The following TOM1L2 variants were observed in gnomAD, a reference collection of about 807,000 sequenced individuals.
TOM1L2 encodes target of myb1 like 2 membrane trafficking protein, also known as TOM1-like protein 2.
TOM1L2 carries 31 observed loss-of-function variants against 67.9 expected under a neutral mutation model. The observed-to-expected ratio is 0.46, with a 90% CI of 0.34 to 0.62. The LOEUF is 0.62. Ranked by LOEUF, TOM1L2 falls within the 20% of genes least tolerant of loss-of-function variation. The probability of loss-of-function intolerance (pLI) is 0.01; values close to 1 mark genes in which losing one functional copy is unlikely to be tolerated. For synonymous variants in TOM1L2, 256 were observed against 254.0 expected, an observed-to-expected ratio of 1.01 and a Z score of -0.07; for missense variants, 606 against 663.5, an observed-to-expected ratio of 0.91 and a Z score of 0.95.
At chr17:17,923,434 C>CAAG (rs1235304863) in intron 1 of TOM1L2, among the ~76,000 whole-genome samples, 4 of 151,886 alleles carry the variant, frequency 2.6e-5, no homozygotes, top group South Asian at 2.1e-4. Context: ...ACAACAACAA[C>CAAG]AACAACAAAC....
At chr17:17,958,758 T>C (rs908592811) in intron 1 of TOM1L2, among the ~76,000 whole-genome samples, 1 of 152,208 alleles carries the variant, frequency 6.6e-6, no homozygotes, top group Non-Finnish European at 1.5e-5. Flanking sequence ...GAGAGATAAG[T>C]GTCTTTTGTA....
Position 17,953,279 on chromosome 17 carries a change from C to CA in TOM1L2, c.52+18982dup, listed in dbSNP as rs1248915403. On this transcript the variant is annotated intron_variant, in intron 1 of 14. Coordinates refer to ENST00000379504, the MANE Select transcript of TOM1L2 (RefSeq NM_001082968.2). ...TGGGCAACAGAGCGAGACTCTGTCT[C>CA]AAAAAAATATAAATAAATAAAGGTA... Among the ~76,000 whole-genome samples, 5 of 151,792 alleles carry CA rather than the reference C, an allele frequency of 3.3e-5. No individual in the cohort carries two copies. The East Asian group carries it at 9.6e-4, about 29-fold the overall frequency.
In TOM1L2 at chr17:17,847,805, G is replaced by C. The variant is rs746393977; in HGVS notation, c.1376-22C>G. 11 of 1,613,730 alleles carry C rather than the reference G, an allele frequency of 6.8e-6. No homozygotes were observed. The East Asian group carries it at 1.1e-4, about 16-fold the overall frequency. On this transcript the variant is annotated intron_variant, in intron 14 of 14. Coordinates refer to ENST00000379504, the MANE Select transcript of TOM1L2 (RefSeq NM_001082968.2). ...AACTCTGCAATACAAACCAAGGCAA[G>C]GGTCAGGGTTGGTGAGGGCAGGCCA...
At chr17:17,861,776 A>G in intron 11 of TOM1L2, 1 of 491,236 alleles carries the variant, frequency 2.0e-6, no homozygotes, top group Non-Finnish European at 3.6e-6. Context: ...TGAGCCACTA[A>G]TCTCTGCGAT....
intron 1 of TOM1L2, among the ~76,000 whole-genome samples, chr17:17,953,651 C>T (rs1022027291): frequency 3.3e-5 from 5 of 152,232 alleles, no homozygotes; most frequent in African/African-American, 1.2e-4. Context: ...GCTGACCTCA[C>T]TGACCTGCCC....
chr17:17,952,079 A>C (rs2041227855), intron 1 of TOM1L2, among the ~76,000 whole-genome samples: 1 of 152,256 alleles, frequency 6.6e-6, no homozygotes, highest in Non-Finnish European at 1.5e-5. Flanking sequence ...TATAAGGACA[A>C]GAAAGCCACT....
Position 17,884,179 on chromosome 17 carries a change from A to C in TOM1L2, c.501+455T>G, listed in dbSNP as rs138561612. ...CAGAATCAATTCTGGATTGATGCTGAATACTCACAGCTCAAAATAAATTTT... is the reference window on the plus strand; with the variant it reads ...CAGAATCAATTCTGGATTGATGCTGCATACTCACAGCTCAAAATAAATTTT... On this transcript the variant is annotated intron_variant, in intron 5 of 14. Coordinates refer to ENST00000379504, the MANE Select transcript of TOM1L2 (RefSeq NM_001082968.2). 2.1e-4 allele frequency among the ~76,000 whole-genome samples: 32 copies of C among 152,288 alleles called. No individual in the cohort carries two copies. In the East Asian group the frequency reaches 6.2e-3, roughly 29 times the overall value.
chr17:17,940,676 C>CT (rs1206549114), intron 1 of TOM1L2, among the ~76,000 whole-genome samples: 4 of 152,212 alleles, frequency 2.6e-5, no homozygotes, highest in Admixed American at 6.5e-5. Flanking sequence ...AAGGCAAATT[C>CT]TTTTCCTAAT....
intron 4 of TOM1L2, among the ~76,000 whole-genome samples, chr17:17,892,220 T>A (rs2038323524): frequency 6.6e-6 from 1 of 152,144 alleles, no homozygotes; most frequent in South Asian, 2.1e-4. Context: ...GCACAGGGAA[T>A]GGACAGAGGC....
chr17:17,849,788 A>G (rs1424792597), intron 13 of TOM1L2, among the ~76,000 whole-genome samples: 3 of 152,200 alleles, frequency 2.0e-5, no homozygotes, highest in Non-Finnish European at 2.9e-5. Context: ...CCCCCTTAGA[A>G]GTTAAGGACC....
chr17:17,917,505 C>A (rs562926513), intron 1 of TOM1L2, among the ~76,000 whole-genome samples: 7 of 119,186 alleles, frequency 5.9e-5, no homozygotes, highest in Admixed American at 1.1e-4. Flanking sequence ...TGCTATGTTG[C>A]CCAGTCTGGA....
At chr17:17,922,675 G>A (rs1198727104) in intron 1 of TOM1L2, among the ~76,000 whole-genome samples, 1 of 152,194 alleles carries the variant, frequency 6.6e-6, no homozygotes, top group African/African-American at 2.4e-5. Context: ...CCTCCTCACA[G>A]GGTGTGGTTA....
chr17:17,862,971 G>GGGC, intron 10 of TOM1L2, 123 bp from the exon 11 acceptor site: 1 of 389,816 alleles, frequency 2.6e-6, no homozygotes, highest in Non-Finnish European at 5.1e-6. Context: ...GGTGGGGCGG[G>GGGC]ACTTTCCTTG....
intron 12 of TOM1L2, chr17:17,859,383 T>C (rs1272420003): frequency 6.6e-6 from 1 of 152,214 alleles, no homozygotes. Context: ...CCTTCCCCTT[T>C]TTTATTGTGT....
intron 1 of TOM1L2, among the ~76,000 whole-genome samples, chr17:17,938,401 C>A (rs573797797): frequency 6.6e-6 from 1 of 152,252 alleles, no homozygotes; most frequent in South Asian, 2.1e-4. Context: ...ACTGCAGTGG[C>A]CTGAAGCTGC....
chr17:17,862,935 C>A, intron 10 of TOM1L2, 87 bp from the exon 11 acceptor site: 9 of 487,636 alleles, frequency 1.8e-5, no homozygotes, highest in South Asian at 9.7e-5. Context: ...GGACGCCAGC[C>A]AGGTGGGTTT....
At chr17:17,934,702 G>A (rs750311763) in intron 1 of TOM1L2, among the ~76,000 whole-genome samples, 5 of 152,084 alleles carry the variant, frequency 3.3e-5, no homozygotes, top group Admixed American at 1.3e-4. Context: ...AACAATATGC[G>A]ATATTTCATC....
In TOM1L2 at chr17:17,884,666, C is replaced by T. The variant is rs1488653951; in HGVS notation, c.469G>A (p.Asp157Asn). The T allele has an allele frequency of 6.2e-7, 1 of 1,614,108 alleles. No homozygotes were observed. Among genetic ancestry groups the T allele is most frequent in the South Asian group, 1.1e-5 (1 of 91,082 alleles). ...GGTGTGTGTATGGGAGACAGAGCGT[C>T]CAAGTCTGCCATGGGAAATTCAACC... ...KGVEFPMADL[D>N]ALSPIHTPQR... Residue 157 changes from aspartate to asparagine, a missense_variant, in exon 5 of 15, where the codon GAC becomes AAC. Asp to Asn is a conservative substitution (Grantham distance 23). Transcript: ENST00000379504.
chr17:17,847,681 C>T lies in TOM1L2; in HGVS notation c.1478G>A (p.Gly493Asp). ...CTCTGACCGCTCTGGCTTCTTCCGG[C>T]CAGAAGGGTTTGAGGCTGGGGCAGG... ...EAPAPASNPSGRKKPERSEDA... is the reference protein window; with the variant it reads ...EAPAPASNPSDRKKPERSEDA... The change falls in exon 15 of 15, where the codon GGC (glycine) becomes GAC (aspartate). Residue 493 changes from glycine to aspartate, a missense_variant. Coordinates refer to ENST00000379504, the MANE Select transcript of TOM1L2 (RefSeq NM_001082968.2). 1.2e-6 allele frequency: 2 copies of T among 1,613,902 alleles called. No individual in the cohort carries two copies. Among genetic ancestry groups the T allele is most frequent in the South Asian group, 1.1e-5 (1 of 91,076 alleles).
Sources: allele counts gnomAD v4.1 joint callset (sites outside exome capture counted in the v4.1 genomes callset), GRCh38; gene constraint gnomAD v4.1.1; transcripts MANE v1.5; gene names NCBI Gene and HGNC (gene_info 2026-07-23, HGNC 2026-07-21).